The following DGKI variants were observed in gnomAD, a reference collection of about 807,000 sequenced individuals.
DGKI encodes diacylglycerol kinase iota.
Under a neutral mutation model 147.5 loss-of-function variants are expected in DGKI, and 55 were observed. The ratio of observed to expected loss-of-function variants is 0.37; its 90% CI spans 0.30 to 0.47. DGKI has a LOEUF of 0.47. DGKI is among the 20% of genes least tolerant of loss of function. DGKI has a pLI of 1.00. For synonymous variants in DGKI, 469 were observed against 477.1 expected (o/e 0.98, Z 0.22); for missense variants, 1,007 against 1,323.8 (o/e 0.76, Z 3.71).
intron 1 of DGKI, among the ~76,000 whole-genome samples, chr7:137,701,841 CAT>C (rs1300681787): frequency 6.6e-6 from 1 of 151,834 alleles, no homozygotes; most frequent in Non-Finnish European, 1.5e-5. Context: ...ATAAAAAAAA[CAT>C]AAAATAGCCA....
At chr7:137,529,692 A>T (rs575920328) in intron 20 of DGKI, among the ~76,000 whole-genome samples, 1 of 152,314 alleles carries the variant, frequency 6.6e-6, no homozygotes, top group Non-Finnish European at 1.5e-5. Flanking sequence ...TGTGGCAGTG[A>T]ATGCCATCAC....
intron 6 of DGKI, among the ~76,000 whole-genome samples, chr7:137,625,797 G>A (rs1187050248): frequency 6.7e-6 from 1 of 150,304 alleles, no homozygotes; most frequent in Non-Finnish European, 1.5e-5. Flanking sequence ...TGTACATTTT[G>A]TCCTTCTGGA....
intron 20 of DGKI, among the ~76,000 whole-genome samples, chr7:137,549,003 T>C (rs1817957403): frequency 2.0e-5 from 3 of 152,076 alleles, no homozygotes; most frequent in Non-Finnish European, 4.4e-5. Flanking sequence ...TTATCCAGCC[T>C]CAGGTATTTC....
chr7:137,643,824 CT>C (rs1353183676), intron 6 of DGKI, among the ~76,000 whole-genome samples: 1 of 152,184 alleles, frequency 6.6e-6, no homozygotes, highest in East Asian at 1.9e-4. Flanking sequence ...TATTGATTTT[CT>C]TTTAATAAAA....
At chr7:137,447,665 T>A (rs899424759) in intron 27 of DGKI, among the ~76,000 whole-genome samples, 12 of 152,328 alleles carry the variant, frequency 7.9e-5, no homozygotes, top group African/African-American at 2.6e-4. Context: ...AAGCAAGGAC[T>A]TGAGAAATAA....
intron 1 of DGKI, among the ~76,000 whole-genome samples, chr7:137,718,741 T>A (rs1794459815): frequency 6.6e-6 from 1 of 152,130 alleles, no homozygotes; most frequent in Non-Finnish European, 1.5e-5. Context: ...GGTCTCTCAG[T>A]CCTGGGCAAC....
chr7:137,810,084 C>T (rs950327285), intron 1 of DGKI, among the ~76,000 whole-genome samples: 1 of 152,182 alleles, frequency 6.6e-6, no homozygotes, highest in Non-Finnish European at 1.5e-5. Context: ...GTCCCCTGTG[C>T]TGCTGTCTCA....
At chr7:137,819,044 C>T (rs1202585662) in intron 1 of DGKI, among the ~76,000 whole-genome samples, 2 of 152,172 alleles carry the variant, frequency 1.3e-5, no homozygotes, top group South Asian at 4.1e-4. Flanking sequence ...GATCCTAAGG[C>T]TCTTCGACAG....
intron 30 of DGKI, among the ~76,000 whole-genome samples, chr7:137,403,673 A>G (rs573575927): frequency 6.6e-6 from 1 of 152,334 alleles, no homozygotes; most frequent in East Asian, 1.9e-4. Context: ...GCATCCTTAC[A>G]GTCAAGTCTT....
rs1447937504 is a variant in DGKI, at chr7:137,384,503, T to C, written c.*6717A>G. 1 of 151,992 alleles carries C rather than the reference T, an allele frequency of 6.6e-6. No individual in the cohort carries two copies. The highest frequency in any genetic ancestry group is 2.4e-5 in the African/African-American group (1 of 41,416). The allele number at this position is 151,992 out of a possible 1,614,324, so 9.4% of individuals were successfully genotyped here. A position where few individuals can be genotyped will look rare whatever the true frequency, so the allele number is the denominator to read the frequency against. On this transcript the variant is annotated 3_prime_UTR_variant, in exon 33 of 33. Coordinates refer to ENST00000614521, the MANE Select transcript of DGKI (RefSeq NM_001321708.2). ...GAAAATGACTTACTTAGAAAACATG[T>C]TAATATGTAATTTCTAAAGACCCAG...
At chr7:137,811,005 A>G (rs964382117) in intron 1 of DGKI, among the ~76,000 whole-genome samples, 1 of 152,190 alleles carries the variant, frequency 6.6e-6, no homozygotes, top group Non-Finnish European at 1.5e-5. Context: ...ATAATCCCAA[A>G]GATCAAGCTC....
At chr7:137,785,088 C>T (rs1297765992) in intron 1 of DGKI, among the ~76,000 whole-genome samples, 2 of 151,488 alleles carry the variant, frequency 1.3e-5, no homozygotes, top group Non-Finnish European at 2.9e-5. Context: ...AATCTAAACT[C>T]AAACCAAGCA....
intron 27 of DGKI, among the ~76,000 whole-genome samples, chr7:137,458,238 C>T (rs1006096006): frequency 2.0e-5 from 3 of 152,172 alleles, no homozygotes; most frequent in Admixed American, 1.3e-4. Context: ...ATAGCATTAT[C>T]TTTCCTTGAA....
At chr7:137,610,825 C>G (rs1341776299) in intron 8 of DGKI, among the ~76,000 whole-genome samples, 1 of 152,014 alleles carries the variant, frequency 6.6e-6, no homozygotes. Flanking sequence ...TTTACTTTGA[C>G]TTGGATTTGG....
chr7:137,790,808 G>T (rs1796827869), intron 1 of DGKI, among the ~76,000 whole-genome samples: 1 of 152,176 alleles, frequency 6.6e-6, no homozygotes, highest in Admixed American at 6.5e-5. Context: ...TGTTAGATTT[G>T]TTGAAGATTA....
At chr7:137,702,707 T>C (rs980994368) in intron 1 of DGKI, among the ~76,000 whole-genome samples, 3 of 152,072 alleles carry the variant, frequency 2.0e-5, no homozygotes, top group Non-Finnish European at 4.4e-5. Flanking sequence ...AAGGGCAAAA[T>C]ACATTTGGAG....
intron 1 of DGKI, among the ~76,000 whole-genome samples, chr7:137,795,549 G>A (rs750289622): frequency 4.6e-5 from 7 of 152,124 alleles, no homozygotes; most frequent in African/African-American, 1.2e-4. Context: ...TATCTGTTGC[G>A]GCAAATTAAG....
chr7:137,482,077 T>C (rs1815390860), intron 23 of DGKI, among the ~76,000 whole-genome samples: 2 of 152,022 alleles, frequency 1.3e-5, no homozygotes, highest in Admixed American at 6.6e-5. Context: ...AAAGATTTAG[T>C]ATTAAATTTC....
At chr7:137,535,493 A>T (rs992418021) in intron 20 of DGKI, among the ~76,000 whole-genome samples, 1 of 151,796 alleles carries the variant, frequency 6.6e-6, no homozygotes. Flanking sequence ...CCTGCCAAAC[A>T]TACCTGGCAC....
Sources: gnomAD v4.1 joint callset for allele counts (sites outside exome capture counted in the v4.1 genomes callset) on GRCh38, gnomAD v4.1.1 for gene constraint, MANE v1.5 for transcripts, NCBI Gene and HGNC (gene_info 2026-07-23, HGNC 2026-07-21) for gene names.